LIMCH1: variants seen among roughly 807,000 people sequenced by gnomAD.
LIMCH1 encodes the protein LIM and calponin homology domains 1.
LIMCH1 carries 113 observed loss-of-function variants against 176.5 expected under a neutral mutation model. The observed-to-expected ratio is 0.64, with a 90% CI of 0.55 to 0.75. The LOEUF (loss-of-function observed/expected upper bound fraction) is 0.75, where lower values mean the gene tolerates loss of function less well. Among genes scored for constraint, LIMCH1 ranks in the 30% least tolerant of loss-of-function variants. LIMCH1 has a pLI of 0.00. For synonymous variants in LIMCH1, 619 were observed against 645.9 expected (o/e 0.96, Z 0.63); for missense variants, 1,674 against 1,814.9 (o/e 0.92, Z 1.41).
chr4:41,384,310 T>C (rs543228385), intron 1 of LIMCH1, among the ~76,000 whole-genome samples: 1 of 151,974 alleles, frequency 6.6e-6, no homozygotes, highest in South Asian at 2.1e-4. Context: ...GTTGACGCCA[T>C]TCTCCTGCCT....
rs2090656073 is a variant in LIMCH1, at chr4:41,606,029, C to G, written c.9+25C>G. On this transcript the variant is annotated intron_variant, in intron 4 of 31. Transcript: ENST00000503057. ...GGTAACTTGGCTTTTCTTCTTTATC[C>G]CATAAGCGTTAGACAAGGTGGGAAA... is the stretch of plus-strand genomic sequence containing the variant. The G allele has an allele frequency of 3.3e-6, 5 of 1,497,960 alleles. No homozygotes were observed. The East Asian group carries it at 9.1e-5, about 27-fold the overall frequency. 92.8% of individuals were successfully genotyped at this position (1,497,960 alleles called of 1,614,324 possible).
chr4:41,475,524 C>T (rs942038839), intron 1 of LIMCH1, among the ~76,000 whole-genome samples: 2 of 152,166 alleles, frequency 1.3e-5, no homozygotes, highest in South Asian at 2.1e-4. Flanking sequence ...GTTGAAACCA[C>T]AGAAGCTGGC....
intron 3 of LIMCH1, among the ~76,000 whole-genome samples, chr4:41,605,528 T>C (rs1238029129): frequency 2.0e-5 from 3 of 152,226 alleles, no homozygotes; most frequent in Non-Finnish European, 4.4e-5. Flanking sequence ...GTCTCTTTCA[T>C]TGCTTCTCTG....
At chr4:41,518,761 G>A (rs941887344) in intron 2 of LIMCH1, among the ~76,000 whole-genome samples, 4 of 152,076 alleles carry the variant, frequency 2.6e-5, no homozygotes, top group African/African-American at 7.2e-5. Context: ...AGGCCCTGGT[G>A]TGTGGTGTTC....
At chr4:41,477,696 A>G (rs1429939972) in intron 1 of LIMCH1, among the ~76,000 whole-genome samples, 3 of 152,196 alleles carry the variant, frequency 2.0e-5, no homozygotes, top group Admixed American at 1.3e-4. Flanking sequence ...GCGTTGCTAC[A>G]CAACTATGTG....
Position 41,619,454 on chromosome 4 carries a change from A to G in LIMCH1, c.458+14A>G. The G allele has an allele frequency of 6.2e-7, 1 of 1,604,354 alleles. No homozygotes were observed. Among genetic ancestry groups the G allele is most frequent in the Non-Finnish European group, 8.5e-7 (1 of 1,179,744 alleles). On this transcript the variant is annotated intron_variant, in intron 6 of 31. Transcript: ENST00000503057. ...GAGGCCCTTCAGGTAAGGCCTGAGCACCGCTGCCCTCTTCCTGGCTTGGGC... is the reference window on the plus strand; with the variant it reads ...GAGGCCCTTCAGGTAAGGCCTGAGCGCCGCTGCCCTCTTCCTGGCTTGGGC...
At chr4:41,391,682 A>C (rs1561219023) in intron 1 of LIMCH1, among the ~76,000 whole-genome samples, 1 of 152,150 alleles carries the variant, frequency 6.6e-6, no homozygotes, top group Non-Finnish European at 1.5e-5. Flanking sequence ...GCCCAAATTG[A>C]GGGACATTCT....
chr4:41,689,383 A>G lies in LIMCH1; in HGVS notation c.4167-144A>G, dbSNP rs1723550263. 5 of 541,976 alleles carry G rather than the reference A, an allele frequency of 9.2e-6. No homozygotes were observed. The South Asian group carries it at 1.1e-4, about 12-fold the overall frequency. The allele number at this position is 541,976 out of a possible 1,614,324, so 33.6% of individuals were successfully genotyped here. The stretch of plus-strand genomic sequence containing the variant: ...TCTAATGTTTAATCTCCTATTCATC[A>G]TCAGTTCTGTCATTCTCATTTCATT... On this transcript the variant is annotated intron_variant, in intron 29 of 31. Coordinates refer to ENST00000503057, the MANE Select transcript of LIMCH1 (RefSeq NM_001330672.2).
intron 1 of LIMCH1, among the ~76,000 whole-genome samples, chr4:41,454,939 CATGTGTGTGTGT>C (rs1412198287): frequency 0.025 from 3,316 of 130,546 alleles, 89 homozygotes; most frequent in South Asian, 0.13. Context: ...TGTATGCGTA[CATGTGTGTGTGT>C]GTGTGTGTGT....
chr4:41,393,584 T>C (rs1318351385), intron 1 of LIMCH1, among the ~76,000 whole-genome samples: 1 of 152,252 alleles, frequency 6.6e-6, no homozygotes, highest in Non-Finnish European at 1.5e-5. Flanking sequence ...GGAGACTATA[T>C]GGCTGAAAGC....
At chr4:41,434,536 T>A (rs2061894181) in intron 1 of LIMCH1, among the ~76,000 whole-genome samples, 1 of 152,162 alleles carries the variant, frequency 6.6e-6, no homozygotes, top group African/African-American at 2.4e-5. Context: ...ATTTTTTTCC[T>A]GAGACAGTCT....
At chr4:41,571,775 C>T (rs181051345) in intron 1 of LIMCH1, among the ~76,000 whole-genome samples, 1 of 152,134 alleles carries the variant, frequency 6.6e-6, no homozygotes, top group East Asian at 1.9e-4. Flanking sequence ...AAGTGGGTCT[C>T]CAGAGTGGTG....
intron 1 of LIMCH1, among the ~76,000 whole-genome samples, chr4:41,394,831 T>C (rs2057628336): frequency 1.3e-5 from 2 of 152,200 alleles, no homozygotes; most frequent in Non-Finnish European, 2.9e-5. Flanking sequence ...CATTTACAAA[T>C]GGTGCTCAGA....
chr4:41,420,256 T>C (rs1439072467), intron 1 of LIMCH1, among the ~76,000 whole-genome samples: 1 of 152,166 alleles, frequency 6.6e-6, no homozygotes, highest in Non-Finnish European at 1.5e-5. Flanking sequence ...TGAGGTAACA[T>C]GCCAAAATGC....
At chr4:41,664,884 C>A (rs1465774514) in intron 20 of LIMCH1, among the ~76,000 whole-genome samples, 1 of 152,130 alleles carries the variant, frequency 6.6e-6, no homozygotes, top group Non-Finnish European at 1.5e-5. Flanking sequence ...AAACATTATT[C>A]TCAGAATATT....
upstream of LIMCH1, among the ~76,000 whole-genome samples, chr4:41,534,830 A>G (rs1446512850): frequency 6.6e-6 from 1 of 152,162 alleles, no homozygotes; most frequent in African/African-American, 2.4e-5. Context: ...GTTTGAGACT[A>G]CAGGAAAAGT....
intron 1 of LIMCH1, among the ~76,000 whole-genome samples, chr4:41,583,136 T>G (rs940494892): frequency 2.6e-5 from 4 of 152,186 alleles, no homozygotes. Flanking sequence ...TCTCTACATC[T>G]GTGAGGGTAG....
intron 1 of LIMCH1, among the ~76,000 whole-genome samples, chr4:41,592,874 G>A (rs1395990417): frequency 6.6e-6 from 1 of 152,214 alleles, no homozygotes; most frequent in Non-Finnish European, 1.5e-5. Flanking sequence ...CTAATTTGAT[G>A]TCAGAACTCT....
At chr4:41,489,736 T>C (rs986540561) in intron 1 of LIMCH1, among the ~76,000 whole-genome samples, 4 of 151,880 alleles carry the variant, frequency 2.6e-5, no homozygotes, top group Admixed American at 1.3e-4. Flanking sequence ...CTAGTGAGAG[T>C]TACATGGGCA....
Sources: allele counts gnomAD v4.1 joint callset (sites outside exome capture counted in the v4.1 genomes callset), GRCh38; gene constraint gnomAD v4.1.1; transcripts MANE v1.5; gene names NCBI Gene and HGNC (gene_info 2026-07-23, HGNC 2026-07-21).